DIAPH3: variants seen among roughly 807,000 people sequenced by gnomAD.
DIAPH3 encodes the protein protein diaphanous homolog 3.
A neutral mutation model predicts 144.3 loss-of-function variants in DIAPH3; 117 were observed. The ratio of observed to expected loss-of-function variants is 0.81; its 90% confidence interval spans 0.70 to 0.95. The LOEUF (loss-of-function observed/expected upper bound fraction) is 0.95. Ranked by LOEUF, DIAPH3 falls within the 40% of genes least tolerant of loss-of-function variation. The probability of loss-of-function intolerance (pLI) is 0.00; values close to 1 mark genes in which losing one functional copy is unlikely to be tolerated. For synonymous variants in DIAPH3, 519 were observed against 488.9 expected (o/e 1.06, Z -0.81); for missense variants, 1,421 against 1,412.7 (o/e 1.01, Z -0.09).
intron 24 of DIAPH3, among the ~76,000 whole-genome samples, chr13:59,811,342 T>C (rs1383685334): frequency 1.3e-5 from 2 of 152,182 alleles, no homozygotes; most frequent in Non-Finnish European, 2.9e-5. Flanking sequence ...ATTATCAAAT[T>C]AAAGACATAA....
chr13:59,839,630 G>A (rs2139769343), intron 22 of DIAPH3, among the ~76,000 whole-genome samples, 182 bp from the exon 23 acceptor site: 1 of 152,162 alleles, frequency 6.6e-6, no homozygotes, highest in Non-Finnish European at 1.5e-5. Flanking sequence ...AAGAAATTCA[G>A]TAAGACAGTC....
At chr13:59,828,786 T>C (rs1011495013) in intron 24 of DIAPH3, among the ~76,000 whole-genome samples, 2 of 151,794 alleles carry the variant, frequency 1.3e-5, no homozygotes, top group African/African-American at 4.8e-5. Context: ...AAAATTACAA[T>C]GCAAACTTAC....
In DIAPH3 at chr13:60,008,667, T is replaced by C. The variant is rs374445320; in HGVS notation, c.909-18A>G. ...CTTCAAGGCTATTGGAAAATTTGAGTCAATTAAATTGCAAGTAGCAAACAC... is the reference window on the plus strand; with the variant it reads ...CTTCAAGGCTATTGGAAAATTTGAGCCAATTAAATTGCAAGTAGCAAACAC... On this transcript the variant is annotated intron_variant, in intron 8 of 27. Transcript: ENST00000400324. The C allele has an allele frequency of 1.3e-6, 2 of 1,513,066 alleles. No individual in the cohort carries two copies. The highest frequency in any genetic ancestry group is 9.2e-7 in the Non-Finnish European group (1 of 1,088,228). 93.7% of individuals were successfully genotyped at this position (1,513,066 alleles called of 1,614,324 possible). A position where few individuals can be genotyped will look rare whatever the true frequency, so the allele number is the denominator to read the frequency against.
chr13:59,892,038 A>G (rs2045832910), intron 20 of DIAPH3, among the ~76,000 whole-genome samples: 1 of 152,048 alleles, frequency 6.6e-6, no homozygotes, highest in Non-Finnish European at 1.5e-5. Flanking sequence ...AACAACAACA[A>G]CAAAACAAGA....
At chr13:59,920,991 C>T (rs1255892436) in intron 18 of DIAPH3, among the ~76,000 whole-genome samples, 1 of 151,318 alleles carries the variant, frequency 6.6e-6, no homozygotes, top group African/African-American at 2.4e-5. Context: ...TCTAAATAAC[C>T]AATGGGTCAA....
chr13:60,029,533 G>T (rs1594412972), intron 5 of DIAPH3, among the ~76,000 whole-genome samples: 1 of 152,176 alleles, frequency 6.6e-6, no homozygotes, highest in Non-Finnish European at 1.5e-5. Flanking sequence ...TCTTGAAAGT[G>T]AGTGAGTTCT....
intron 22 of DIAPH3, among the ~76,000 whole-genome samples, chr13:59,840,642 T>TA (rs913071949): frequency 2.0e-5 from 3 of 152,232 alleles, no homozygotes; most frequent in African/African-American, 7.2e-5. Context: ...TTTCTTATTT[T>TA]AAAAAATTAG....
chr13:60,044,129 C>T (rs774327072), intron 4 of DIAPH3: 2 of 152,042 alleles, frequency 1.3e-5, no homozygotes, highest in African/African-American at 4.8e-5. Flanking sequence ...TCTATATAGC[C>T]TAGATAGGAA....
intron 20 of DIAPH3, among the ~76,000 whole-genome samples, chr13:59,881,069 T>TACTATTATA (rs1476720115): frequency 6.6e-6 from 1 of 151,564 alleles, no homozygotes; most frequent in African/African-American, 2.4e-5. Flanking sequence ...GACAAAGATG[T>TACTATTATA]ACTATTATAA....
chr13:59,870,457 G>A (rs1486790135), intron 21 of DIAPH3, among the ~76,000 whole-genome samples: 2 of 151,626 alleles, frequency 1.3e-5, no homozygotes, highest in Non-Finnish European at 2.9e-5. Context: ...AGCTATTCTG[G>A]GTCTTTTGCC....
chr13:59,715,488 A>G (rs760982019), intron 27 of DIAPH3, among the ~76,000 whole-genome samples: 4 of 152,226 alleles, frequency 2.6e-5, no homozygotes, highest in Admixed American at 6.5e-5. Context: ...TATTTCTTCC[A>G]TAACATCCTT....
At chr13:59,677,507 T>C (rs1225985381) in intron 27 of DIAPH3, among the ~76,000 whole-genome samples, 4 of 152,118 alleles carry the variant, frequency 2.6e-5, no homozygotes, top group Non-Finnish European at 1.5e-5. Context: ...ATAGCAAAAA[T>C]ATATTAATGA....
intron 1 of DIAPH3, among the ~76,000 whole-genome samples, chr13:60,135,496 G>A (rs913243798): frequency 1.3e-5 from 2 of 152,106 alleles, no homozygotes; most frequent in Non-Finnish European, 2.9e-5. Flanking sequence ...GAGTATAACA[G>A]AGTCTGAGAG....
chr13:60,074,036 C>T (rs2057298406), intron 4 of DIAPH3, among the ~76,000 whole-genome samples: 1 of 152,158 alleles, frequency 6.6e-6, no homozygotes, highest in Non-Finnish European at 1.5e-5. Context: ...TTTTCTGGTA[C>T]TAATGCTGAA....
At chr13:59,732,455 T>G (rs1160583037) in intron 27 of DIAPH3, among the ~76,000 whole-genome samples, 1 of 151,694 alleles carries the variant, frequency 6.6e-6, no homozygotes, top group Non-Finnish European at 1.5e-5. Flanking sequence ...GGTACTTTTT[T>G]TTTTTGAGAC....
Position 59,794,980 on chromosome 13 carries a change from T to A in DIAPH3, c.3163+15808A>T, listed in dbSNP as rs191220368. Among the ~76,000 whole-genome samples the A allele has an allele frequency of 2.6e-5, 4 of 152,364 alleles. No individual in the cohort carries two copies. The East Asian group carries it at 7.7e-4, about 29-fold the overall frequency. On this transcript the variant is annotated intron_variant, in intron 25 of 27. Coordinates refer to ENST00000400324, the MANE Select transcript of DIAPH3 (RefSeq NM_001042517.2). ...GCCTCAGTCTGCAAGACATAGTACA[T>A]GCTTTGTAGGTCATTAGGAAACAAA...
rs375765113 is a variant in DIAPH3, at chr13:59,746,641, C to G, written c.3319+27548G>C. The stretch of plus-strand genomic sequence containing the variant: ...ATCTCCAAAATTCTCCTTTTCTGAT[C>G]AGAGACATTTCAGCTACACAATAAG... On this transcript the variant is annotated intron_variant, in intron 27 of 27. Transcript: ENST00000400324. Among the ~76,000 whole-genome samples, 757 of 152,264 alleles carry G rather than the reference C, an allele frequency of 5.0e-3. 3 individuals carry two copies. Among genetic ancestry groups the G allele is most frequent in the South Asian group, 0.031 (151 of 4,816 alleles).
chr13:59,782,739 T>C (rs1033419373), intron 25 of DIAPH3, among the ~76,000 whole-genome samples: 1 of 151,996 alleles, frequency 6.6e-6, no homozygotes, highest in Non-Finnish European at 1.5e-5. Context: ...GTGGTGGGCA[T>C]GTAGTATGGG....
At position 59,895,444 on chromosome 13, in the gene DIAPH3, C is replaced by CAA. The variant is rs149290420; in HGVS notation, c.2368-15978_2368-15977dup. ...CAATGTTAAAGGAAAAAAAAAAAAA[C>CAA]AAAAAAAAAACACATTTATCTTGTG... On this transcript the variant is annotated intron_variant, in intron 20 of 27. Transcript: ENST00000400324. Among the ~76,000 whole-genome samples, 1,175 of 127,944 alleles carry CAA rather than the reference C, an allele frequency of 9.2e-3. 9 individuals carry two copies. Among genetic ancestry groups the CAA allele is most frequent in the Non-Finnish European group, 0.013 (735 of 58,702 alleles). The allele number at this position is 127,944 out of a possible 152,430, so 83.9% of individuals were successfully genotyped here. A position where few individuals can be genotyped will look rare whatever the true frequency, so the allele number is the denominator to read the frequency against.
Sources: allele counts gnomAD v4.1 joint callset (sites outside exome capture counted in the v4.1 genomes callset), GRCh38; gene constraint gnomAD v4.1.1; transcripts MANE v1.5; gene names NCBI Gene and HGNC (gene_info 2026-07-23, HGNC 2026-07-21).